UGT8: variants seen among roughly 807,000 people sequenced by gnomAD.
The protein encoded by UGT8 is 2-hydroxyacylsphingosine 1-beta-galactosyltransferase.
A neutral mutation model predicts 40.5 loss-of-function variants in UGT8; 12 were observed. The ratio of observed to expected loss-of-function variants is 0.30; its 90% CI spans 0.19 to 0.48. The LOEUF is 0.48. Among genes scored for constraint, UGT8 ranks in the 20% least tolerant of loss-of-function variants. The pLI, the probability that UGT8 is intolerant of heterozygous loss-of-function variation, is 0.99. For missense variants in UGT8, 513 were observed against 648.7 expected (o/e 0.79, Z 2.27); for synonymous variants, 224 against 240.4 (o/e 0.93, Z 0.63).
chr4:114,625,397 G>C (rs896853469), intron 2 of UGT8, among the ~76,000 whole-genome samples: 1 of 150,484 alleles, frequency 6.6e-6, no homozygotes, highest in African/African-American at 2.4e-5. Context: ...TATAGTCCCA[G>C]CTACTCAGGA....
intron 4 of UGT8, among the ~76,000 whole-genome samples, chr4:114,666,890 A>C (rs1734918719): frequency 6.6e-6 from 1 of 152,074 alleles, no homozygotes; most frequent in South Asian, 2.1e-4. Flanking sequence ...TGAGTCCTCT[A>C]ATAGCTTCTA....
chr4:114,663,569 A>T (rs1734678681), intron 2 of UGT8: 3 of 274,196 alleles, frequency 1.1e-5, no homozygotes, highest in Non-Finnish European at 1.1e-5. Flanking sequence ...ACACAAATCA[A>T]TCATACTGGC....
Position 114,668,324 on chromosome 4 carries a change from T to C in UGT8, c.1262+20T>C. 6.2e-7 allele frequency: 1 copy of C among 1,603,722 alleles called. No homozygotes were observed. The highest frequency in any genetic ancestry group is 8.5e-7 in the Non-Finnish European group (1 of 1,171,160). On this transcript the variant is annotated intron_variant, in intron 5 of 5. Transcript: ENST00000310836. ...TCCCAGGTAAGGTTTCAATTAACAT[T>C]AAAGCTGATGAACTTACATACCACA...
intron 1 of UGT8, among the ~76,000 whole-genome samples, chr4:114,616,531 T>C (rs1238467641): frequency 1.3e-5 from 2 of 152,162 alleles, no homozygotes; most frequent in Non-Finnish European, 2.9e-5. Flanking sequence ...GGGAATTCCC[T>C]GACCCCCTGT....
At chr4:114,612,282 G>C (rs745498800) in intron 1 of UGT8, among the ~76,000 whole-genome samples, 2 of 152,106 alleles carry the variant, frequency 1.3e-5, no homozygotes, top group Non-Finnish European at 2.9e-5. Context: ...TTGTACAAGT[G>C]TAGCCTAGAT....
chr4:114,605,114 T>C (rs1324788029), intron 1 of UGT8, among the ~76,000 whole-genome samples: 1 of 152,226 alleles, frequency 6.6e-6, no homozygotes, highest in Non-Finnish European at 1.5e-5. Context: ...AATTGACTTA[T>C]ACAGAATGCC....
At chr4:114,636,594 C>T (rs750372177) in intron 2 of UGT8, among the ~76,000 whole-genome samples, 1 of 152,166 alleles carries the variant, frequency 6.6e-6, no homozygotes, top group African/African-American at 2.4e-5. Flanking sequence ...CACAGAAATC[C>T]GTAATCTCTT....
intron 2 of UGT8, among the ~76,000 whole-genome samples, chr4:114,654,628 T>C (rs895468317): frequency 6.6e-6 from 1 of 152,108 alleles, no homozygotes; most frequent in Non-Finnish European, 1.5e-5. Context: ...AGCTAGTAGC[T>C]ACAACACCTT....
intron 2 of UGT8, among the ~76,000 whole-genome samples, chr4:114,653,447 T>C (rs1436339482): frequency 6.6e-6 from 1 of 152,078 alleles, no homozygotes; most frequent in East Asian, 1.9e-4. Context: ...ATTTGACCTG[T>C]TTTAGCCAAG....
intron 2 of UGT8, among the ~76,000 whole-genome samples, chr4:114,626,301 G>A (rs1732216402): frequency 6.6e-6 from 1 of 152,206 alleles, no homozygotes; most frequent in East Asian, 1.9e-4. Context: ...ATTATTTACA[G>A]GGCATTGTTG....
intron 1 of UGT8, among the ~76,000 whole-genome samples, chr4:114,621,671 G>A (rs1035185829): frequency 2.6e-5 from 4 of 152,078 alleles, no homozygotes; most frequent in Non-Finnish European, 4.4e-5. Flanking sequence ...ATGAACAGAT[G>A]TTCCATAGAT....
intron 1 of UGT8, among the ~76,000 whole-genome samples, chr4:114,612,035 T>G (rs1311568149): frequency 6.6e-6 from 1 of 152,182 alleles, no homozygotes; most frequent in Non-Finnish European, 1.5e-5. Flanking sequence ...CAATTCACTT[T>G]TCTCACATAA....
intron 2 of UGT8, among the ~76,000 whole-genome samples, chr4:114,631,634 G>A (rs1732584461): frequency 6.6e-6 from 1 of 152,294 alleles, no homozygotes; most frequent in African/African-American, 2.4e-5. Context: ...TAGATCTGGG[G>A]TGGGTCTAAT....
At chr4:114,603,316 G>A (rs1226692198) in intron 1 of UGT8, among the ~76,000 whole-genome samples, 1 of 152,178 alleles carries the variant, frequency 6.6e-6, no homozygotes, top group Non-Finnish European at 1.5e-5. Flanking sequence ...AGATAGGCAG[G>A]TAGATAAATG....
chr4:114,651,099 A>C (rs1033268208), intron 2 of UGT8, among the ~76,000 whole-genome samples: 1 of 152,008 alleles, frequency 6.6e-6, no homozygotes. Context: ...CTAATCTTAG[A>C]CTCAGGTTTT....
In UGT8 at chr4:114,662,816, C is replaced by CTTT. The variant is rs142469406; in HGVS notation, c.823-1154_823-1152dup. ...GTGCAGTGATGCCATTGTGACCATG[C>CTTT]TTTTTTTTTTTTTTTTTTTTTTTTT... On this transcript the variant is annotated intron_variant, in intron 2 of 5. Coordinates refer to ENST00000310836, the MANE Select transcript of UGT8 (RefSeq NM_001128174.3). 4.9e-4 allele frequency among the ~76,000 whole-genome samples: 26 copies of CTTT among 53,202 alleles called. 2 individuals are homozygous for CTTT. Among genetic ancestry groups the CTTT allele is most frequent in the African/African-American group, 1.9e-3 (24 of 12,448 alleles). 34.9% of individuals were successfully genotyped at this position (53,202 alleles called of 152,430 possible). A position where few individuals can be genotyped will look rare whatever the true frequency, so the allele number is the denominator to read the frequency against.
intron 2 of UGT8, among the ~76,000 whole-genome samples, chr4:114,651,438 A>G (rs2126122354): frequency 6.6e-6 from 1 of 152,248 alleles, no homozygotes; most frequent in East Asian, 1.9e-4. Flanking sequence ...CTCACATGTC[A>G]TTTTAATTTT....
chr4:114,602,872 T>A (rs1310851352), intron 1 of UGT8, among the ~76,000 whole-genome samples: 5 of 152,202 alleles, frequency 3.3e-5, no homozygotes, highest in African/African-American at 9.7e-5. Context: ...ATGGACTATT[T>A]TCAGTTTAAG....
chr4:114,618,097 C>G (rs1223917692), intron 1 of UGT8, among the ~76,000 whole-genome samples: 1 of 152,062 alleles, frequency 6.6e-6, no homozygotes, highest in South Asian at 2.1e-4. Context: ...TGTTATGTTA[C>G]AAGTATTTTC....
Sources: allele counts gnomAD v4.1 joint callset (sites outside exome capture counted in the v4.1 genomes callset), GRCh38; gene constraint gnomAD v4.1.1; transcripts MANE v1.5; gene names NCBI Gene and HGNC (gene_info 2026-07-23, HGNC 2026-07-21).